LRRC1: variants seen among roughly 807,000 people sequenced by gnomAD.
The protein encoded by LRRC1 is leucine rich repeat containing 1.
Under a neutral mutation model 69.9 loss-of-function variants are expected in LRRC1, and 28 were observed. That is an observed-to-expected ratio of 0.40 (90% confidence interval 0.30 to 0.55). LRRC1 has a LOEUF of 0.55. Among genes scored for constraint, LRRC1 ranks in the 20% least tolerant of loss-of-function variants. The pLI is 0.47. For synonymous variants in LRRC1, 236 were observed against 240.2 expected (o/e 0.98, Z 0.16); for missense variants, 498 against 609.0 (o/e 0.82, Z 1.92).
chr6:53,851,531 T>C (rs1373915763), intron 2 of LRRC1, among the ~76,000 whole-genome samples: 1 of 152,154 alleles, frequency 6.6e-6, no homozygotes. Flanking sequence ...TGATGCCCAC[T>C]ACATTGGGCA....
At chr6:53,853,862 C>T (rs1033727723) in intron 2 of LRRC1, among the ~76,000 whole-genome samples, 3 of 152,188 alleles carry the variant, frequency 2.0e-5, no homozygotes, top group African/African-American at 7.2e-5. Flanking sequence ...TTGTCCATCT[C>T]TGATTACTGA....
rs543099829 is a variant in LRRC1, at chr6:53,882,917, T to C, written c.387T>C (p.Asn129=). Residue 129 remains asparagine, a synonymous_variant, in exon 4 of 14, where the codon AAT becomes AAC. Coordinates refer to ENST00000370888, the MANE Select transcript of LRRC1 (RefSeq NM_018214.5). ...CAGAAAGCTTTCCTGAATTACAGAA[T>C]TTAACATGTCTTTCTGTAAATGACA... The part of the protein sequence containing the change: ...RLPESFPELQ[N]LTCLSVNDIS... The C allele has an allele frequency of 7.5e-6, 12 of 1,608,002 alleles. No individual in the cohort carries two copies. In the South Asian group the frequency reaches 1.2e-4, roughly 17 times the overall value.
At chr6:53,866,870 A>G (rs1178234858) in intron 2 of LRRC1, among the ~76,000 whole-genome samples, 1 of 152,122 alleles carries the variant, frequency 6.6e-6, no homozygotes, top group East Asian at 1.9e-4. Flanking sequence ...AGAATTAGGT[A>G]AAGAAAAAAT....
At chr6:53,838,195 T>G (rs1190879386) in intron 1 of LRRC1, among the ~76,000 whole-genome samples, 3 of 152,196 alleles carry the variant, frequency 2.0e-5, no homozygotes, top group Non-Finnish European at 4.4e-5. Context: ...GGATACCATA[T>G]TAAGATCACA....
chr6:53,920,068 G>A (rs1488738962), intron 12 of LRRC1, among the ~76,000 whole-genome samples: 2 of 152,278 alleles, frequency 1.3e-5, no homozygotes, highest in East Asian at 3.9e-4. Flanking sequence ...TTTGTAAATT[G>A]TGTGGTTAAA....
rs1052099608 is a variant in LRRC1, at chr6:53,919,505, C to T, written c.1114C>T (p.His372Tyr). The stretch of plus-strand genomic sequence containing the variant: ...AAAAAAAAAAAAAAACAGGTTGCTG[C>T]ATCTACCTTTATCCCTGACTGCCTT... ...VLDVAGNRLLHLPLSLTALKL... is the reference protein window; with the variant it reads ...VLDVAGNRLLYLPLSLTALKL... The change falls in exon 12 of 14, where the codon CAT (histidine) becomes TAT (tyrosine). Residue 372 changes from histidine to tyrosine, a missense_variant. Physicochemically the swap from His to Tyr is moderately conservative, Grantham distance 83. This residue lies in a region of LRRC1 where 266 missense variants were observed against 383.9 expected (regional missense o/e 0.69). Transcript: ENST00000370888. The T allele has an allele frequency of 6.4e-7, 1 of 1,555,300 alleles. No homozygotes were observed. The highest frequency in any genetic ancestry group is 2.1e-5 in the Admixed American group (1 of 46,898).
chr6:53,909,176 G>T (rs1721021756), intron 10 of LRRC1, among the ~76,000 whole-genome samples: 1 of 152,188 alleles, frequency 6.6e-6, no homozygotes, highest in African/African-American at 2.4e-5. Context: ...GCCAGGCATG[G>T]TGCCAAGGGC....
intron 2 of LRRC1, among the ~76,000 whole-genome samples, chr6:53,873,859 A>T (rs576698504): frequency 6.6e-6 from 1 of 152,220 alleles, no homozygotes; most frequent in African/African-American, 2.4e-5. Context: ...TCTTCATTCC[A>T]TATGATGTTC....
At chr6:53,824,286 A>T (rs1765197841) in intron 1 of LRRC1, among the ~76,000 whole-genome samples, 1 of 151,340 alleles carries the variant, frequency 6.6e-6, no homozygotes, top group Non-Finnish European at 1.5e-5. Flanking sequence ...GGCTGCATTT[A>T]TGTCTTCTTT....
intron 4 of LRRC1, among the ~76,000 whole-genome samples, chr6:53,886,603 T>A (rs777450110): frequency 2.0e-5 from 3 of 152,234 alleles, no homozygotes; most frequent in Non-Finnish European, 4.4e-5. Flanking sequence ...TACACTTTGT[T>A]AATTTTTATT....
At chr6:53,897,516 A>G (rs1370456868) in intron 7 of LRRC1, among the ~76,000 whole-genome samples, 157 bp downstream of exon 7, 1 of 152,198 alleles carries the variant, frequency 6.6e-6, no homozygotes. Flanking sequence ...TTGAGCATGC[A>G]TCATTCTCCA....
intron 1 of LRRC1, among the ~76,000 whole-genome samples, chr6:53,815,326 C>T (rs1489044295): frequency 2.0e-5 from 3 of 152,246 alleles, no homozygotes; most frequent in Admixed American, 6.5e-5. Context: ...TTGTCATCTC[C>T]GAGCCTCATT....
intron 2 of LRRC1, among the ~76,000 whole-genome samples, chr6:53,866,596 G>T (rs76093570): frequency 0.018 from 2,682 of 152,212 alleles, 33 homozygotes; most frequent in Non-Finnish European, 0.029. Context: ...ACTGTGGAAG[G>T]CCTCATTATT....
intron 1 of LRRC1, among the ~76,000 whole-genome samples, chr6:53,817,351 A>G (rs1764980966): frequency 6.6e-6 from 1 of 152,188 alleles, no homozygotes; most frequent in Non-Finnish European, 1.5e-5. Flanking sequence ...TGTGGGGTAC[A>G]AAGTGATGTT....
chr6:53,846,411 G>A (rs1301203089), intron 2 of LRRC1, among the ~76,000 whole-genome samples: 5 of 152,234 alleles, frequency 3.3e-5, no homozygotes, highest in Non-Finnish European at 7.3e-5. Flanking sequence ...GTGCTCAGCA[G>A]AGAGGACCCT....
intron 12 of LRRC1, among the ~76,000 whole-genome samples, chr6:53,920,362 G>A (rs1768699780): frequency 6.6e-6 from 1 of 152,164 alleles, no homozygotes; most frequent in African/African-American, 2.4e-5. Flanking sequence ...TATTAATTTA[G>A]CAGATATTTT....
At chr6:53,896,988 T>A in intron 6 of LRRC1, 96 bp downstream of exon 6, 1 of 792,198 alleles carries the variant, frequency 1.3e-6, no homozygotes, top group South Asian at 1.7e-5. Context: ...GAAGCCAGTA[T>A]TTCCACAGAT....
Position 53,913,887 on chromosome 6 carries a change from G to C in LRRC1, c.1024G>C (p.Val342Leu). 6.2e-7 allele frequency: 1 copy of C among 1,612,258 alleles called. No individual in the cohort carries two copies. The highest frequency in any genetic ancestry group is 8.5e-7 in the Non-Finnish European group (1 of 1,178,650). Residue 342 changes from valine (V) to leucine (L), a missense_variant, in exon 11 of 14, where the codon GTA becomes CTA. Physicochemically the swap from Val to Leu is conservative, Grantham distance 32. Coordinates refer to ENST00000370888, the MANE Select transcript of LRRC1 (RefSeq NM_018214.5). ...GTGCTGCAGCCTCACTGTGTTCTGT[G>C]TACGTGACAACAGACTAACTCGGAT... The part of the protein sequence containing the change: ...GGCCSLTVFC[V>L]RDNRLTRIPA...
intron 2 of LRRC1, among the ~76,000 whole-genome samples, chr6:53,851,990 A>G (rs73430278): frequency 0.017 from 2,546 of 152,382 alleles, 75 homozygotes; most frequent in African/African-American, 0.059. Flanking sequence ...TTTAGAAACT[A>G]GAGGTTTATG....
Sources: gnomAD v4.1 joint callset for allele counts (sites outside exome capture counted in the v4.1 genomes callset) on GRCh38, gnomAD v4.1.1 for gene constraint, gnomAD v4.1.1 regional missense constraint, MANE v1.5 for transcripts, NCBI Gene and HGNC (gene_info 2026-07-23, HGNC 2026-07-21) for gene names.